The following PDCL3 variants were observed in gnomAD, a reference collection of about 807,000 sequenced individuals.
The protein encoded by PDCL3 is phosducin-like protein 3.
PDCL3 carries 22 observed loss-of-function variants against 26.5 expected under a neutral mutation model. The ratio of observed to expected loss-of-function variants is 0.83; its 90% confidence interval spans 0.59 to 1.19. The LOEUF (loss-of-function observed/expected upper bound fraction) is 1.19, where lower values mean the gene tolerates loss of function less well. Ranked by LOEUF, PDCL3 falls within the 50% of genes most tolerant of loss-of-function variation. The pLI is 0.00. For synonymous variants in PDCL3, 81 were observed against 104.9 expected (o/e 0.77, Z 1.39); for missense variants, 246 against 294.1 (o/e 0.84, Z 1.20).
chr2:100,570,470 A>ATTTTTTTTTTTTTTT (rs1413122239), intron 4 of PDCL3, among the ~76,000 whole-genome samples: 1 of 119,506 alleles, frequency 8.4e-6, no homozygotes, highest in African/African-American at 3.4e-5. Context: ...TTATTTAGGA[A>ATTTTTTTTTTTTTTT]TTTCTTTTTT....
chr2:100,568,497 T>C lies in PDCL3; in HGVS notation c.134-434T>C, dbSNP rs1240933880. On this transcript the variant is annotated intron_variant, in intron 2 of 5. Transcript: ENST00000264254. ...TGATACAAAAATTAGCTGGGTGTGG[T>C]GGCACACGCCTGTAATCCCAGCTAC... Among the ~76,000 whole-genome samples the C allele has an allele frequency of 2.6e-5, 4 of 152,096 alleles. No individual in the cohort carries two copies. The East Asian group carries it at 5.8e-4, about 22-fold the overall frequency.
At chr2:100,575,147 T>G (rs1387650448) in intron 5 of PDCL3, among the ~76,000 whole-genome samples, 1 of 152,164 alleles carries the variant, frequency 6.6e-6, no homozygotes. Context: ...TTCAGATTTT[T>G]TTTATTTTGA....
intron 4 of PDCL3, among the ~76,000 whole-genome samples, chr2:100,570,289 G>A (rs1348023917): frequency 3.9e-5 from 6 of 152,064 alleles, no homozygotes; most frequent in Non-Finnish European, 8.8e-5. Flanking sequence ...GAATTCCTAA[G>A]TTATTTATTC....
intron 1 of PDCL3, among the ~76,000 whole-genome samples, chr2:100,565,553 C>T (rs540094439): frequency 3.3e-5 from 5 of 152,160 alleles, no homozygotes; most frequent in African/African-American, 9.6e-5. Context: ...GGATTACAGG[C>T]GTGAGCCACC....
At chr2:100,563,112 C>G in intron 1 of PDCL3, 39 bp downstream of exon 1, 2 of 1,587,692 alleles carry the variant, frequency 1.3e-6, no homozygotes, top group Non-Finnish European at 8.6e-7. Context: ...GGCTGCGGCC[C>G]GTTCCTTTGT....
Position 100,563,085 on chromosome 2 carries a change from C to A in PDCL3, c.6+12C>A. On this transcript the variant is annotated intron_variant, in intron 1 of 5. Transcript: ENST00000264254. ...GAAACAAGATGCAGGTGAGCTAGGACGGGTCTCGGGTCTGGGGGCTGCGGC... is the reference window on the plus strand; with the variant it reads ...GAAACAAGATGCAGGTGAGCTAGGAAGGGTCTCGGGTCTGGGGGCTGCGGC... 1 of 1,601,474 alleles carries A rather than the reference C, an allele frequency of 6.2e-7. No homozygotes were observed. Among genetic ancestry groups the A allele is most frequent in the African/African-American group, 1.3e-5 (1 of 74,764 alleles).
At chr2:100,572,092 A>G in intron 5 of PDCL3, 1 of 363,736 alleles carries the variant, frequency 2.7e-6, no homozygotes, top group South Asian at 3.8e-5. Context: ...GTAGCTTGAA[A>G]TCACAACATT....
intron 2 of PDCL3, 31 bp downstream of exon 2, chr2:100,566,660 C>A: frequency 6.2e-7 from 1 of 1,611,970 alleles, no homozygotes; most frequent in Non-Finnish European, 8.5e-7. Flanking sequence ...CTGCACCTGT[C>A]TGGGTTAGGA....
rs781636902 is a variant in PDCL3 at position 100,571,757 on chromosome 2, T to C, written c.536T>C (p.Ile179Thr). The change falls in exon 5 of 6, where the codon ATT (isoleucine) becomes ACT (threonine). Residue 179 changes from isoleucine (I) to threonine (T), a missense_variant. By Grantham distance (89) the Ile-to-Thr change is moderately conservative. Transcript: ENST00000264254. Reference protein sequence around the residue: ...YLEGDIKAQFIGPLVFGGMNL... With the variant: ...YLEGDIKAQFTGPLVFGGMNL... ...GAAGGAGATATCAAGGCTCAGTTTA[T>C]TGGTCCTCTGGTGTTTGGCGGCATG... is the stretch of plus-strand genomic sequence containing the variant. 12 of 1,614,118 alleles carry C rather than the reference T, an allele frequency of 7.4e-6. No individual in the cohort carries two copies. The East Asian group carries it at 2.2e-4, about 30-fold the overall frequency.
At chr2:100,571,838 G>A in intron 5 of PDCL3, 40 bp downstream of exon 5, 1 of 1,591,070 alleles carries the variant, frequency 6.3e-7, no homozygotes, top group South Asian at 1.1e-5. Flanking sequence ...TGAGAGATGG[G>A]AGGCGCATTT....
At chr2:100,568,869 G>C (rs1558696872) in intron 2 of PDCL3, 62 bp from the exon 3 acceptor site, 1 of 1,394,852 alleles carries the variant, frequency 7.2e-7, no homozygotes, top group Non-Finnish European at 1.0e-6. Context: ...GGGGAAAAAA[G>C]AAAAATACAT....
At chr2:100,574,230 G>C (rs1280717330) in intron 5 of PDCL3, among the ~76,000 whole-genome samples, 1 of 152,040 alleles carries the variant, frequency 6.6e-6, no homozygotes, top group East Asian at 1.9e-4. Context: ...GTGAACTCCT[G>C]ACCTCAAGTG....
At chr2:100,567,418 A>G (rs1394087690) in intron 2 of PDCL3, among the ~76,000 whole-genome samples, 1 of 152,194 alleles carries the variant, frequency 6.6e-6, no homozygotes, top group Non-Finnish European at 1.5e-5. Context: ...GACAGACAAT[A>G]AACAATAAAG....
chr2:100,572,369 G>A (rs1204878250), intron 5 of PDCL3, among the ~76,000 whole-genome samples: 19 of 151,722 alleles, frequency 1.3e-4, no homozygotes, highest in Admixed American at 9.9e-4. Context: ...CTACCACCAC[G>A]CCCAGCTAAT....
At chr2:100,564,681 C>G (rs1343522525) in intron 1 of PDCL3, among the ~76,000 whole-genome samples, 1 of 152,174 alleles carries the variant, frequency 6.6e-6, no homozygotes, top group Admixed American at 6.5e-5. Context: ...CACAGTGCTC[C>G]TGATTTCATA....
In PDCL3 at chr2:100,563,028, C is replaced by T. The variant is rs1211119828; in HGVS notation, c.-40C>T. 8 of 1,587,774 alleles carry T rather than the reference C, an allele frequency of 5.0e-6. No individual in the cohort carries two copies. Among genetic ancestry groups the T allele is most frequent in the Admixed American group, 1.8e-5 (1 of 55,432 alleles). On this transcript the variant is annotated 5_prime_UTR_variant, in exon 1 of 6. Transcript: ENST00000264254. Reference sequence around the variant, plus strand: ...AAAAGAGAGCTGAGGGGCGGGGGCGCTGCGGCACAGCTGGTTTGAGCAACT... The same window carrying T: ...AAAAGAGAGCTGAGGGGCGGGGGCGTTGCGGCACAGCTGGTTTGAGCAACT...
At chr2:100,565,510 G>C (rs1020052190) in intron 1 of PDCL3, among the ~76,000 whole-genome samples, 1 of 150,164 alleles carries the variant, frequency 6.7e-6, no homozygotes, top group Non-Finnish European at 1.5e-5. Flanking sequence ...TCCTGACCTT[G>C]TGATCCACCC....
Position 100,569,604 on chromosome 2 carries a change from C to G in PDCL3, c.251C>G (p.Ala84Gly). The G allele has an allele frequency of 6.2e-7, 1 of 1,613,580 alleles. No homozygotes were observed. The highest frequency in any genetic ancestry group is 8.5e-7 in the Non-Finnish European group (1 of 1,179,846). ...YRRRRLAEWK[A>G]TKLKNKFGEV... Reference sequence around the variant, plus strand: ...CGGCGGAGACTGGCTGAGTGGAAAGCAACTAAACTGAAGAATAAATTCGGA... The same window carrying G: ...CGGCGGAGACTGGCTGAGTGGAAAGGAACTAAACTGAAGAATAAATTCGGA... The change falls in exon 4 of 6, where the codon GCA (alanine) becomes GGA (glycine). Residue 84 changes from alanine to glycine, a missense_variant. Physicochemically the swap from Ala to Gly is moderately conservative, Grantham distance 60 (BLOSUM62 0). Transcript: ENST00000264254.
intron 4 of PDCL3, among the ~76,000 whole-genome samples, chr2:100,569,971 G>A (rs539659959): frequency 9.2e-5 from 14 of 152,124 alleles, no homozygotes; most frequent in Non-Finnish European, 1.5e-4. Flanking sequence ...TTAGCTGGGC[G>A]TGGTCGCGGG....
Sources: allele counts gnomAD v4.1 joint callset (sites outside exome capture counted in the v4.1 genomes callset), GRCh38; gene constraint gnomAD v4.1.1; transcripts MANE v1.5; gene names NCBI Gene and HGNC (gene_info 2026-07-23, HGNC 2026-07-21).